ANKRD44: variants seen among roughly 807,000 people sequenced by gnomAD.
ANKRD44 encodes serine/threonine-protein phosphatase 6 regulatory ankyrin repeat subunit B.
Under a neutral mutation model 116.0 loss-of-function variants are expected in ANKRD44, and 35 were observed. The ratio of observed to expected loss-of-function variants is 0.30; its 90% CI spans 0.23 to 0.40. The LOEUF (loss-of-function observed/expected upper bound fraction) is 0.40. Ranked by LOEUF, ANKRD44 falls within the 10% of genes least tolerant of loss-of-function variation. The pLI, the probability that ANKRD44 is intolerant of heterozygous loss-of-function variation, is 1.00. For missense variants in ANKRD44, 1,014 were observed against 1,242.6 expected (o/e 0.82, Z 2.77); for synonymous variants, 435 against 461.8 (o/e 0.94, Z 0.74).
In ANKRD44 at chr2:197,131,545, C is replaced by T. The variant is rs73991205; in HGVS notation, c.261+5047G>A. Among the ~76,000 whole-genome samples the T allele has an allele frequency of 8.2e-3, 1,241 of 152,268 alleles. 20 individuals carry two copies. The highest frequency in any genetic ancestry group is 0.027 in the African/African-American group (1,121 of 41,556). On this transcript the variant is annotated intron_variant, in intron 4 of 27. Transcript: ENST00000282272. ...TACAACACCTACATGGACACAGTGT[C>T]CTCACTCCTACACTCTAAAGATAAG... is the stretch of plus-strand genomic sequence containing the variant.
intron 21 of ANKRD44, among the ~76,000 whole-genome samples, chr2:196,969,610 G>A (rs2125857570): frequency 6.6e-6 from 1 of 152,304 alleles, no homozygotes; most frequent in Admixed American, 6.5e-5. Context: ...CATTGCTAGT[G>A]GCATCTACAT....
At chr2:197,168,221 C>T (rs1038966686) in intron 2 of ANKRD44, among the ~76,000 whole-genome samples, 2 of 152,160 alleles carry the variant, frequency 1.3e-5, no homozygotes, top group Admixed American at 6.5e-5. Flanking sequence ...AAAAGCTATC[C>T]CACTGTGCCT....
At chr2:197,018,119 G>C (rs1231684472) in intron 17 of ANKRD44, among the ~76,000 whole-genome samples, 1 of 152,134 alleles carries the variant, frequency 6.6e-6, no homozygotes, top group Non-Finnish European at 1.5e-5. Context: ...TGTTTTGCCA[G>C]GATTACAGCA....
chr2:197,032,545 C>A (rs148886598), intron 16 of ANKRD44, among the ~76,000 whole-genome samples: 1 of 152,052 alleles, frequency 6.6e-6, no homozygotes, highest in Admixed American at 6.5e-5. Flanking sequence ...CCCGCCACCA[C>A]GCCTGGCTAG....
chr2:197,088,448 C>A (rs1353388732), intron 12 of ANKRD44, among the ~76,000 whole-genome samples: 1 of 151,244 alleles, frequency 6.6e-6, no homozygotes, highest in Non-Finnish European at 1.5e-5. Flanking sequence ...TATTCTATAG[C>A]CTGAAAATCT....
intron 16 of ANKRD44, among the ~76,000 whole-genome samples, chr2:197,063,622 C>A (rs1035287266): frequency 3.3e-5 from 5 of 152,152 alleles, no homozygotes; most frequent in African/African-American, 1.2e-4. Flanking sequence ...CCTGATGGAG[C>A]TGAAAACCAT....
At chr2:197,139,385 A>T (rs2079301395) in intron 3 of ANKRD44, among the ~76,000 whole-genome samples, 1 of 152,234 alleles carries the variant, frequency 6.6e-6, no homozygotes, top group Non-Finnish European at 1.5e-5. Context: ...TTTTAAAATC[A>T]TAACACCAAA....
At chr2:197,112,588 G>C (rs1030003903) in intron 8 of ANKRD44, among the ~76,000 whole-genome samples, 5 of 151,892 alleles carry the variant, frequency 3.3e-5, no homozygotes, top group African/African-American at 1.2e-4. Context: ...GGGGCCTGTA[G>C]TCCTAGCTGC....
intron 1 of ANKRD44, among the ~76,000 whole-genome samples, chr2:197,204,669 T>C (rs536249701): frequency 6.6e-6 from 1 of 152,338 alleles, no homozygotes; most frequent in South Asian, 2.1e-4. Context: ...GTTGGCAACT[T>C]ATTCAATATT....
At chr2:197,237,798 C>A (rs894592626) in intron 1 of ANKRD44, among the ~76,000 whole-genome samples, 3 of 152,220 alleles carry the variant, frequency 2.0e-5, no homozygotes, top group Admixed American at 6.5e-5. Context: ...GAATGTTTAA[C>A]GCCTTACAAA....
At position 197,157,329 on chromosome 2, in the gene ANKRD44, G is replaced by T. The variant is rs1460877437; in HGVS notation, c.112-10224C>A. On this transcript the variant is annotated intron_variant, in intron 2 of 27. Transcript: ENST00000282272. ...CCTGGTTATGTGTGGATGTAAAAGT[G>T]AAGTTCTTACAAAAGAATGGCCTGT... Among the ~76,000 whole-genome samples the T allele has an allele frequency of 2.0e-5, 3 of 152,268 alleles. No homozygotes were observed. In the East Asian group the frequency reaches 5.8e-4, roughly 29 times the overall value.
intron 16 of ANKRD44, among the ~76,000 whole-genome samples, chr2:197,070,912 T>TA (rs1204107339): frequency 6.6e-6 from 1 of 152,194 alleles, no homozygotes; most frequent in East Asian, 1.9e-4. Context: ...TCTGAATAGT[T>TA]AAAGGGCTAT....
chr2:197,129,918 T>G (rs1436093662), intron 4 of ANKRD44, among the ~76,000 whole-genome samples: 1 of 152,230 alleles, frequency 6.6e-6, no homozygotes, highest in African/African-American at 2.4e-5. Flanking sequence ...AAATTACAAG[T>G]TGCTTTAGAT....
chr2:196,984,893 T>C (rs2075826157), downstream of ANKRD44, among the ~76,000 whole-genome samples: 1 of 152,254 alleles, frequency 6.6e-6, no homozygotes, highest in African/African-American at 2.4e-5. Flanking sequence ...TTCCTGCTGT[T>C]CACACCCTTG....
intron 25 of ANKRD44, 63 bp downstream of exon 25, chr2:196,998,274 A>T: frequency 8.1e-7 from 1 of 1,232,096 alleles, no homozygotes; most frequent in Non-Finnish European, 1.2e-6. Context: ...GTAGAATTTC[A>T]GTGTTATTAT....
chr2:196,970,316 C>T (rs1020017391), intron 21 of ANKRD44, among the ~76,000 whole-genome samples: 43 of 152,128 alleles, frequency 2.8e-4, no homozygotes, highest in African/African-American at 1.0e-3. Flanking sequence ...TGTTGACTAA[C>T]GGATCTAGTC....
chr2:197,070,526 G>A (rs1367617039), intron 16 of ANKRD44, among the ~76,000 whole-genome samples: 1 of 152,114 alleles, frequency 6.6e-6, no homozygotes, highest in Non-Finnish European at 1.5e-5. Context: ...TCTTTAGCCT[G>A]TTAATACAGT....
chr2:197,184,513 T>G (rs1559132004), intron 2 of ANKRD44, among the ~76,000 whole-genome samples: 2 of 151,700 alleles, frequency 1.3e-5, no homozygotes, highest in African/African-American at 4.8e-5. Flanking sequence ...TGATGGCGGG[T>G]GCCTGTAATC....
At chr2:197,202,326 G>C (rs1475901294) in intron 1 of ANKRD44, among the ~76,000 whole-genome samples, 1 of 151,504 alleles carries the variant, frequency 6.6e-6, no homozygotes, top group Non-Finnish European at 1.5e-5. Context: ...AGAAACCTCT[G>C]TTTTCTTACC....
Sources: gnomAD v4.1 joint callset for allele counts (sites outside exome capture counted in the v4.1 genomes callset) on GRCh38, gnomAD v4.1.1 for gene constraint, MANE v1.5 for transcripts, NCBI Gene and HGNC (gene_info 2026-07-23, HGNC 2026-07-21) for gene names.